Variants in PCDH9 observed in about 807,000 individuals in gnomAD.
The protein encoded by PCDH9 is protocadherin 9, also known as protocadherin-9.
In PCDH9, 24 loss-of-function variants were observed where a neutral mutation model predicts 70.6. The observed-to-expected ratio is 0.34, with a 90% confidence interval of 0.25 to 0.48. The LOEUF (loss-of-function observed/expected upper bound fraction) is 0.48, where lower values mean the gene tolerates loss of function less well. PCDH9 is among the 20% of genes least tolerant of loss of function. The pLI, the probability that PCDH9 is intolerant of heterozygous loss-of-function variation, is 0.99. For synonymous variants in PCDH9, 562 were observed against 558.5 expected (o/e 1.01, Z -0.09); for missense variants, 1,281 against 1,503.6 (o/e 0.85, Z 2.45).
chr13:66,700,766 T>C (rs897144927), intron 3 of PCDH9, among the ~76,000 whole-genome samples: 9 of 152,022 alleles, frequency 5.9e-5, no homozygotes, highest in Non-Finnish European at 1.3e-4. Flanking sequence ...CGTTTTCTTA[T>C]ATACTGCAAG....
At chr13:67,019,188 CTTTT>C (rs60154161) in intron 2 of PCDH9, among the ~76,000 whole-genome samples, 2 of 102,712 alleles carry the variant, frequency 1.9e-5, no homozygotes, top group African/African-American at 3.7e-5. Flanking sequence ...GGCAGTTGCT[CTTTT>C]TTTTTTTTTT....
At position 66,367,671 on chromosome 13, in the gene PCDH9, G is replaced by A. The variant is rs528506389; in HGVS notation, c.3341-62643C>T. 2.0e-5 allele frequency among the ~76,000 whole-genome samples: 3 copies of A among 152,242 alleles called. No individual in the cohort carries two copies. In the South Asian group the frequency reaches 6.2e-4, roughly 32 times the overall value. ...GCATAGGGAGCTGCATGGTGTGATA[G>A]AGCCTCACATTTTTGAAGGGGTGAC... On this transcript the variant is annotated intron_variant, in intron 4 of 4. Transcript: ENST00000377865.
intron 2 of PCDH9, among the ~76,000 whole-genome samples, chr13:67,005,178 A>G (rs576578730): frequency 2.0e-5 from 3 of 152,070 alleles, no homozygotes; most frequent in Admixed American, 2.0e-4. Context: ...GCATATGGGA[A>G]CATCCATTTG....
chr13:66,414,100 GA>G (rs200405041), intron 4 of PCDH9, among the ~76,000 whole-genome samples: 2 of 151,468 alleles, frequency 1.3e-5, no homozygotes, highest in African/African-American at 2.4e-5. Context: ...GACTACACTG[GA>G]AAAAAAATCA....
intron 3 of PCDH9, among the ~76,000 whole-genome samples, chr13:66,845,125 C>T (rs1295326209): frequency 6.6e-6 from 1 of 152,168 alleles, no homozygotes; most frequent in East Asian, 1.9e-4. Flanking sequence ...GCCGCCCTGG[C>T]TTGAAGGTGG....
chr13:66,824,303 G>GTATATATATA (rs60742942), intron 3 of PCDH9, among the ~76,000 whole-genome samples: 5 of 128,370 alleles, frequency 3.9e-5, no homozygotes, highest in African/African-American at 8.9e-5. Flanking sequence ...TTGTTTGAAA[G>GTATATATATA]TATATATATA....
At chr13:66,411,575 C>T (rs1017298811) in intron 4 of PCDH9, among the ~76,000 whole-genome samples, 1 of 151,924 alleles carries the variant, frequency 6.6e-6, no homozygotes, top group African/African-American at 2.4e-5. Flanking sequence ...TTATCTCACC[C>T]AGCCTTAAGA....
intron 4 of PCDH9, among the ~76,000 whole-genome samples, chr13:66,575,086 G>A (rs2076794717): frequency 6.6e-6 from 1 of 151,696 alleles, no homozygotes; most frequent in Non-Finnish European, 1.5e-5. Flanking sequence ...GGCAGGAGAA[G>A]TTCTTGAACC....
At chr13:66,597,970 A>G (rs1055497147) in intron 4 of PCDH9, among the ~76,000 whole-genome samples, 2 of 151,912 alleles carry the variant, frequency 1.3e-5, no homozygotes. Context: ...AGACATATAA[A>G]ACATGCCTAA....
chr13:66,609,608 ACTGT>A (rs1218747093), intron 4 of PCDH9, among the ~76,000 whole-genome samples: 1 of 152,182 alleles, frequency 6.6e-6, no homozygotes, highest in South Asian at 2.1e-4. Context: ...TTTTTGAATA[ACTGT>A]CTGTTTTCAG....
Position 66,304,663 on chromosome 13 carries a change from G to T in PCDH9, c.3706C>A (p.Gln1236Lys). ...GGATESPKEH[Q>K]L Reference sequence around the variant, plus strand: ...TCCCATATAGCCTTTTCTTAGAGTTGGTGCTCCTTAGGACTCTCAGTAGCA... The same window carrying T: ...TCCCATATAGCCTTTTCTTAGAGTTTGTGCTCCTTAGGACTCTCAGTAGCA... The change falls in exon 5 of 5, where the codon CAA (glutamine) becomes AAA (lysine). Residue 1236 changes from glutamine to lysine, a missense_variant. This residue lies in a region of PCDH9 where 264 missense variants were observed against 278.8 expected (regional missense o/e 0.95). Coordinates refer to ENST00000377865, the MANE Select transcript of PCDH9 (RefSeq NM_203487.3). 6.2e-7 allele frequency: 1 copy of T among 1,612,210 alleles called. No individual in the cohort carries two copies. The highest frequency in any genetic ancestry group is 8.5e-7 in the Non-Finnish European group (1 of 1,178,684).
chr13:66,786,429 G>T (rs2080081183), intron 3 of PCDH9, among the ~76,000 whole-genome samples: 1 of 152,136 alleles, frequency 6.6e-6, no homozygotes, highest in Admixed American at 6.6e-5. Context: ...TATGCATCAA[G>T]AAAACTGTCC....
intron 4 of PCDH9, among the ~76,000 whole-genome samples, chr13:66,591,355 G>T (rs2077036978): frequency 6.6e-6 from 1 of 150,968 alleles, no homozygotes; most frequent in Admixed American, 6.6e-5. Flanking sequence ...TTCAAATCTG[G>T]ATTTTTCTAA....
At chr13:67,000,160 T>G (rs1594372734) in intron 2 of PCDH9, among the ~76,000 whole-genome samples, 1 of 152,026 alleles carries the variant, frequency 6.6e-6, no homozygotes, top group South Asian at 2.1e-4. Context: ...CCATAAAAAA[T>G]GATGAGTTCA....
At chr13:66,891,602 A>AGC (rs1368746488) in intron 3 of PCDH9, among the ~76,000 whole-genome samples, 1 of 152,132 alleles carries the variant, frequency 6.6e-6, no homozygotes, top group Non-Finnish European at 1.5e-5. Flanking sequence ...ATTTAAAAGT[A>AGC]GCTTGGCTTC....
intron 3 of PCDH9, among the ~76,000 whole-genome samples, chr13:66,764,723 G>A (rs764116352): frequency 6.6e-6 from 1 of 151,942 alleles, no homozygotes; most frequent in Non-Finnish European, 1.5e-5. Flanking sequence ...TTTTGACCAA[G>A]CAAAGAAGTG....
intron 3 of PCDH9, among the ~76,000 whole-genome samples, chr13:66,771,065 T>G (rs2079800003): frequency 6.6e-6 from 1 of 152,148 alleles, no homozygotes. Flanking sequence ...ATCTGAAATT[T>G]ATTTTTATTT....
chr13:66,871,966 G>A (rs1201084489), intron 3 of PCDH9, among the ~76,000 whole-genome samples: 1 of 152,010 alleles, frequency 6.6e-6, no homozygotes, highest in African/African-American at 2.4e-5. Flanking sequence ...CAGTTAGAAT[G>A]AGCCACAATT....
At chr13:66,978,231 G>A (rs2083661003) in intron 2 of PCDH9, 1 of 151,968 alleles carries the variant, frequency 6.6e-6, no homozygotes, top group African/African-American at 2.4e-5. Context: ...TAAGAAAATG[G>A]GAGAATTATG....
Sources: gnomAD v4.1 joint callset for allele counts (sites outside exome capture counted in the v4.1 genomes callset) on GRCh38, gnomAD v4.1.1 for gene constraint, gnomAD v4.1.1 regional missense constraint, MANE v1.5 for transcripts, NCBI Gene and HGNC (gene_info 2026-07-23, HGNC 2026-07-21) for gene names.